The following STARD13 variants were observed in gnomAD, a reference collection of about 807,000 sequenced individuals.
STARD13 encodes the protein stAR-related lipid transfer protein 13.
Under a neutral mutation model 106.4 loss-of-function variants are expected in STARD13, and 62 were observed. That is an observed-to-expected ratio of 0.58 (90% CI 0.48 to 0.72). STARD13 has a LOEUF of 0.72. STARD13 is among the 30% of genes least tolerant of loss of function. The pLI, the probability that STARD13 is intolerant of heterozygous loss-of-function variation, is 0.00. For missense variants in STARD13, 1,387 were observed against 1,424.0 expected, an observed-to-expected ratio of 0.97 and a Z score of 0.42; for synonymous variants, 565 against 553.0, an observed-to-expected ratio of 1.02 and a Z score of -0.31.
rs112490657 is a variant in STARD13, at chr13:33,291,003, T to G, written c.124+59287A>C. On this transcript the variant is annotated intron_variant, in intron 1 of 5. Transcript: ENST00000567873. ...TGGCACATTAATTAGATTGGCTTGT[T>G]ACATGTTCATATGGAATCTGTTTGT... Among the ~76,000 whole-genome samples, 861 of 152,350 alleles carry G rather than the reference T, an allele frequency of 5.7e-3. 8 individuals carry two copies. Among genetic ancestry groups the G allele is most frequent in the African/African-American group, 0.019 (802 of 41,584 alleles).
chr13:33,315,806 T>C (rs959674640), intron 1 of STARD13, among the ~76,000 whole-genome samples: 2 of 152,128 alleles, frequency 1.3e-5, no homozygotes, highest in African/African-American at 4.8e-5. Context: ...AATCTCATAA[T>C]AAACAAAAAT....
chr13:33,431,899 A>G, the STARD13 span, among the ~76,000 whole-genome samples: 2 of 152,194 alleles, frequency 1.3e-5, no homozygotes, highest in South Asian at 2.1e-4. Context: ...TACAGGGGCA[A>G]TGACGGAACC....
At chr13:33,372,291 C>G in the STARD13 span, among the ~76,000 whole-genome samples, 1 of 152,098 alleles carries the variant, frequency 6.6e-6, no homozygotes, top group East Asian at 1.9e-4. Flanking sequence ...TCACACATAC[C>G]CTTTGAATAC....
At chr13:33,663,439 G>A in the STARD13 span, among the ~76,000 whole-genome samples, 96 of 152,176 alleles carry the variant, frequency 6.3e-4, 1 homozygote, top group African/African-American at 2.1e-3. Flanking sequence ...CATTTTGTAC[G>A]TGAAAAAAGT....
At chr13:33,613,096 T>C in the STARD13 span, among the ~76,000 whole-genome samples, 7 of 152,262 alleles carry the variant, frequency 4.6e-5, no homozygotes, top group Non-Finnish European at 1.0e-4. Flanking sequence ...GCACTGGAGA[T>C]GGGGGTTAGG....
the STARD13 span, among the ~76,000 whole-genome samples, chr13:33,476,046 A>G: frequency 1.3e-5 from 2 of 152,180 alleles, no homozygotes; most frequent in Admixed American, 6.5e-5. Flanking sequence ...ATTTTGATCA[A>G]TAACTTCCAT....
chr13:33,334,639 T>C (rs953146937), intron 1 of STARD13, among the ~76,000 whole-genome samples: 1 of 151,886 alleles, frequency 6.6e-6, no homozygotes, highest in Non-Finnish European at 1.5e-5. Context: ...AAGGAAACCA[T>C]GAAGGGCTTG....
the STARD13 span, among the ~76,000 whole-genome samples, chr13:33,639,375 A>C: frequency 6.6e-6 from 1 of 152,218 alleles, no homozygotes; most frequent in Non-Finnish European, 1.5e-5. Context: ...GGATGATTCA[A>C]AGTTGCACAA....
At chr13:33,642,199 A>G in the STARD13 span, among the ~76,000 whole-genome samples, 5 of 152,326 alleles carry the variant, frequency 3.3e-5, no homozygotes, top group Non-Finnish European at 7.4e-5. Flanking sequence ...GGAGAAAAGG[A>G]TAACAGTCTA....
At chr13:33,325,628 A>G (rs1331240261) in intron 1 of STARD13, among the ~76,000 whole-genome samples, 1 of 152,182 alleles carries the variant, frequency 6.6e-6, no homozygotes, top group East Asian at 1.9e-4. Flanking sequence ...AAAAATGCAT[A>G]CACTGCATCC....
chr13:33,203,232 T>TACTGGCAGCTGAG (rs145732757), intron 1 of STARD13, among the ~76,000 whole-genome samples: 36,615 of 151,960 alleles, frequency 0.24, 4,813 homozygotes, highest in African/African-American at 0.35. Context: ...TGATTCTCTG[T>TACTGGCAGCTGAG]ACTGGCAGGT....
the STARD13 span, among the ~76,000 whole-genome samples, chr13:33,660,131 C>T: frequency 6.6e-6 from 1 of 152,038 alleles, no homozygotes; most frequent in Non-Finnish European, 1.5e-5. Context: ...CTCACGAGGG[C>T]CTTCCCAACA....
the STARD13 span, among the ~76,000 whole-genome samples, chr13:33,606,266 A>C: frequency 1.3e-5 from 2 of 152,282 alleles, no homozygotes; most frequent in East Asian, 1.9e-4. Context: ...GCACCATTGC[A>C]CTCCAGCCTG....
At chr13:33,356,979 C>A in the STARD13 span, among the ~76,000 whole-genome samples, 1 of 152,332 alleles carries the variant, frequency 6.6e-6, no homozygotes, top group East Asian at 1.9e-4. Flanking sequence ...TTTGTTCTAC[C>A]TACCCTGCTC....
At chr13:33,439,824 A>G in the STARD13 span, 2 of 487,780 alleles carry the variant, frequency 4.1e-6, no homozygotes, top group Non-Finnish European at 6.7e-6. Context: ...AATTAGAATC[A>G]AATGGCCTCC....
chr13:33,317,030 G>A (rs531174806), intron 1 of STARD13, among the ~76,000 whole-genome samples: 2 of 152,236 alleles, frequency 1.3e-5, no homozygotes, highest in African/African-American at 2.4e-5. Flanking sequence ...TGCCATCTCA[G>A]TCTCCTTTGA....
chr13:33,312,596 A>G (rs1209758849), intron 1 of STARD13, among the ~76,000 whole-genome samples: 2 of 152,196 alleles, frequency 1.3e-5, no homozygotes, highest in African/African-American at 4.8e-5. Context: ...TTCATTCTCA[A>G]TGTGTTTGGC....
chr13:33,670,916 G>A, the STARD13 span, among the ~76,000 whole-genome samples: 3 of 152,104 alleles, frequency 2.0e-5, no homozygotes, highest in African/African-American at 7.2e-5. Flanking sequence ...GCATTTCCTT[G>A]AACTATTGTT....
At chr13:33,623,687 G>A in the STARD13 span, among the ~76,000 whole-genome samples, 1 of 151,604 alleles carries the variant, frequency 6.6e-6, no homozygotes, top group Non-Finnish European at 1.5e-5. Flanking sequence ...CAAATGAGCT[G>A]ATATTATTTA....
Sources: allele counts gnomAD v4.1 joint callset (sites outside exome capture counted in the v4.1 genomes callset), GRCh38; gene constraint gnomAD v4.1.1; transcripts MANE v1.5; gene names NCBI Gene and HGNC (gene_info 2026-07-23, HGNC 2026-07-21).